The following HHAT variants were observed in gnomAD, a reference collection of about 807,000 sequenced individuals.
HHAT encodes the protein hedgehog acyltransferase.
In HHAT, 47 loss-of-function variants were observed where a neutral mutation model predicts 70.8. That is an observed-to-expected ratio of 0.66 (90% CI 0.53 to 0.85). The LOEUF (loss-of-function observed/expected upper bound fraction) is 0.85. Among genes scored for constraint, HHAT ranks in the 40% least tolerant of loss-of-function variants. The pLI, the probability that HHAT is intolerant of heterozygous loss-of-function variation, is 0.00. For missense variants in HHAT, 609 were observed against 604.8 expected, an observed-to-expected ratio of 1.01 and a Z score of -0.07; for synonymous variants, 228 against 247.6, an observed-to-expected ratio of 0.92 and a Z score of 0.74.
chr1:210,387,428 G>C, intron 3 of HHAT, 40 bp from the exon 4 acceptor site: 1 of 1,508,354 alleles, frequency 6.6e-7, no homozygotes, highest in Non-Finnish European at 9.2e-7. Context: ...ACTCAGACGT[G>C]TACTGAAATC....
In HHAT at chr1:210,466,330, C is replaced by T. The variant is rs576477706; in HGVS notation, c.1007+1675C>T. 4.7e-4 allele frequency among the ~76,000 whole-genome samples: 71 copies of T among 152,332 alleles called. 1 individual carries two copies. Among genetic ancestry groups the T allele is most frequent in the African/African-American group, 1.5e-3 (62 of 41,580 alleles). On this transcript the variant is annotated intron_variant, in intron 8 of 11. Transcript: ENST00000261458. Reference sequence around the variant, plus strand: ...ACTTCATCAAATATCACACGTTGCCCTGTTTTCATGGCAAGATTGCGGAAT... The same window carrying T: ...ACTTCATCAAATATCACACGTTGCCTTGTTTTCATGGCAAGATTGCGGAAT...
At chr1:210,387,423 G>C in intron 3 of HHAT, 45 bp from the exon 4 acceptor site, 1 of 1,480,994 alleles carries the variant, frequency 6.8e-7, no homozygotes, top group Non-Finnish European at 9.4e-7. Context: ...TTCTGACTCA[G>C]ACGTGTACTG....
At chr1:210,544,371 T>G (rs1316097687) in intron 9 of HHAT, among the ~76,000 whole-genome samples, 3 of 65,356 alleles carry the variant, frequency 4.6e-5, no homozygotes, top group African/African-American at 8.1e-5. Context: ...TCTTTCGTTT[T>G]TTTTTTTTTT....
In HHAT at chr1:210,404,522, G is replaced by T. The variant is rs145435771; in HGVS notation, c.527G>T (p.Arg176Leu). ...YYLLQFTLTVRCLYYTSFSLE... is the reference protein window; with the variant it reads ...YYLLQFTLTVLCLYYTSFSLE... ...CTGCTGCAGTTCACGCTGACCGTTC[G>T]CTGCCTGTACTACACCAGCTTCAGC... Residue 176 changes from arginine (R) to leucine (L), a missense_variant, in exon 6 of 12, where the codon CGC (arginine) becomes CTC (leucine). By Grantham distance (102) the Arg-to-Leu change is moderately radical. Coordinates refer to ENST00000261458, the MANE Select transcript of HHAT (RefSeq NM_018194.6). 1.9e-6 allele frequency: 3 copies of T among 1,613,482 alleles called. No homozygotes were observed. The highest frequency in any genetic ancestry group is 1.7e-5 in the Admixed American group (1 of 60,012).
chr1:210,374,001 C>T (rs912762892), intron 3 of HHAT, among the ~76,000 whole-genome samples: 1 of 152,182 alleles, frequency 6.6e-6, no homozygotes, highest in Non-Finnish European at 1.5e-5. Context: ...TTTTATCATG[C>T]AAGTATTCAG....
intron 1 of HHAT, among the ~76,000 whole-genome samples, chr1:210,340,353 T>A (rs1429499646): frequency 1.3e-5 from 2 of 151,326 alleles, no homozygotes; most frequent in African/African-American, 4.9e-5. Context: ...ATTTAGAGTC[T>A]ACAAAATGGG....
chr1:210,366,631 A>C (rs1316101293), intron 3 of HHAT, among the ~76,000 whole-genome samples: 1 of 152,160 alleles, frequency 6.6e-6, no homozygotes, highest in Non-Finnish European at 1.5e-5. Flanking sequence ...TCTAAAAATA[A>C]AATCAAAAAC....
chr1:210,614,522 A>G (rs1667269881), intron 10 of HHAT, among the ~76,000 whole-genome samples: 2 of 152,166 alleles, frequency 1.3e-5, no homozygotes, highest in East Asian at 3.9e-4. Flanking sequence ...TTAACTCATC[A>G]TTTACATTAG....
At position 210,345,644 on chromosome 1, in the gene HHAT, A is replaced by G. The variant is rs114567470; in HGVS notation, c.-43-3289A>G. ...TTAGATGTATGATGTTTTTGTGACCAGAAATATGCAGTAGGAACTTACTTT... is the reference window on the plus strand; with the variant it reads ...TTAGATGTATGATGTTTTTGTGACCGGAAATATGCAGTAGGAACTTACTTT... On this transcript the variant is annotated intron_variant, in intron 1 of 11. Transcript: ENST00000261458. Among the ~76,000 whole-genome samples the G allele has an allele frequency of 6.7e-3, 1,028 of 152,342 alleles. 5 individuals are homozygous for G. Among genetic ancestry groups the G allele is most frequent in the African/African-American group, 0.024 (1,000 of 41,566 alleles).
rs1054577833 is a variant in HHAT, at chr1:210,404,289, A to G, written c.469-175A>G. Reference sequence around the variant, plus strand: ...TACCAATGAGATTTACCTGGTGTTCATTGGTTCTCGACTGCCTTTTATGGC... The same window carrying G: ...TACCAATGAGATTTACCTGGTGTTCGTTGGTTCTCGACTGCCTTTTATGGC... On this transcript the variant is annotated intron_variant, in intron 5 of 11. Transcript: ENST00000261458. 7.9e-5 allele frequency among the ~76,000 whole-genome samples: 12 copies of G among 152,264 alleles called. 1 individual carries two copies. In the South Asian group the frequency reaches 1.0e-3, roughly 13 times the overall value.
intron 11 of HHAT, among the ~76,000 whole-genome samples, chr1:210,672,512 C>T (rs146149753): frequency 1.3e-5 from 2 of 152,228 alleles, no homozygotes; most frequent in Admixed American, 6.5e-5. Flanking sequence ...TCTGTGCATT[C>T]CATCATCTAG....
chr1:210,641,065 G>C (rs1409039384), intron 11 of HHAT, among the ~76,000 whole-genome samples: 1 of 152,174 alleles, frequency 6.6e-6, no homozygotes, highest in African/African-American at 2.4e-5. Flanking sequence ...ACCTTACCTT[G>C]TTCTTTAGGG....
intron 10 of HHAT, chr1:210,590,474 A>G: frequency 7.0e-6 from 1 of 143,842 alleles, no homozygotes; most frequent in South Asian, 2.3e-4. Context: ...AGTATACAGA[A>G]TTAGACCATG....
intron 7 of HHAT, among the ~76,000 whole-genome samples, chr1:210,442,114 T>C (rs1293707521): frequency 1.5e-5 from 2 of 136,506 alleles, no homozygotes; most frequent in South Asian, 2.5e-4. Flanking sequence ...GGTTTTTTGT[T>C]CTTGCGATAG....
At chr1:210,511,882 T>C (rs2094960391) in intron 8 of HHAT, among the ~76,000 whole-genome samples, 1 of 140,346 alleles carries the variant, frequency 7.1e-6, no homozygotes, top group South Asian at 2.4e-4. Flanking sequence ...CTCCGCCTCC[T>C]GGGTTCACGC....
In HHAT at chr1:210,329,044, G is replaced by T; in HGVS notation, c.-104G>T. On this transcript the variant is annotated 5_prime_UTR_variant, in exon 1 of 12. Coordinates refer to ENST00000261458, the MANE Select transcript of HHAT (RefSeq NM_018194.6). ...GGGACTCGGAAGTGCCGAAAGAGGGGTGTTGGGAACTCGCGGCGCGCGTGA... is the reference window on the plus strand; with the variant it reads ...GGGACTCGGAAGTGCCGAAAGAGGGTTGTTGGGAACTCGCGGCGCGCGTGA... The T allele has an allele frequency of 5.6e-6, 8 of 1,433,706 alleles. No homozygotes were observed. The highest frequency in any genetic ancestry group is 7.3e-6 in the Non-Finnish European group (8 of 1,096,124). The allele number at this position is 1,433,706 out of a possible 1,614,324, so 88.8% of individuals were successfully genotyped here.
At chr1:210,470,828 C>G (rs719833) in intron 8 of HHAT, among the ~76,000 whole-genome samples, 19,213 of 152,164 alleles carry the variant, frequency 0.13, 1,559 homozygotes, top group South Asian at 0.22. Flanking sequence ...CCTGGCTCCA[C>G]TACTTACTAG....
intron 9 of HHAT, among the ~76,000 whole-genome samples, chr1:210,532,159 A>C (rs1228607042): frequency 6.6e-6 from 1 of 152,254 alleles, no homozygotes; most frequent in Non-Finnish European, 1.5e-5. Context: ...TTATTAATAT[A>C]CTGAGTCTAT....
intron 8 of HHAT, among the ~76,000 whole-genome samples, chr1:210,508,063 G>T (rs1231732230): frequency 6.6e-6 from 1 of 151,704 alleles, no homozygotes; most frequent in Non-Finnish European, 1.5e-5. Context: ...GCCAGGTATG[G>T]TGGCATGCAC....
Sources: allele counts gnomAD v4.1 joint callset (sites outside exome capture counted in the v4.1 genomes callset), GRCh38; gene constraint gnomAD v4.1.1; transcripts MANE v1.5; gene names NCBI Gene and HGNC (gene_info 2026-07-23, HGNC 2026-07-21).